The following GHRL variants were observed in gnomAD, a reference collection of about 807,000 sequenced individuals.
The protein encoded by GHRL is ghrelin and obestatin prepropeptide, also known as appetite-regulating hormone.
GHRL carries 24 observed loss-of-function variants against 16.9 expected under a neutral mutation model. The observed-to-expected ratio is 1.42, with a 90% CI of 1.03 to 2.00. The LOEUF (loss-of-function observed/expected upper bound fraction) is 2.00. GHRL is among the 30% of genes most tolerant of loss of function. GHRL has a pLI of 0.00. For missense variants in GHRL, 193 were observed against 142.1 expected (o/e 1.36, Z -1.82); for synonymous variants, 63 against 58.2 (o/e 1.08, Z -0.37).
At position 10,289,627 on chromosome 3, in the gene GHRL, C is replaced by T. The variant is rs573610382; in HGVS notation, c.225+135G>A. On this transcript the variant is annotated intron_variant, in intron 4 of 5. Coordinates refer to ENST00000335542, the MANE Select transcript of GHRL (RefSeq NM_016362.5). ...ACAGAGCCCAGGGCAGAGCTCAACTCCTGTGGTACTGGTTTTATAGTTCTG... is the reference window on the plus strand; with the variant it reads ...ACAGAGCCCAGGGCAGAGCTCAACTTCTGTGGTACTGGTTTTATAGTTCTG... 4.1e-4 allele frequency: 301 copies of T among 737,394 alleles called. 4 individuals carry two copies. The highest frequency in any genetic ancestry group is 3.1e-3 in the South Asian group (210 of 67,590). The allele number at this position is 737,394 out of a possible 1,614,324, so 45.7% of individuals were successfully genotyped here.
At position 10,292,914 on chromosome 3, in the gene GHRL, C is replaced by T. The variant is rs1036041463; in HGVS notation, c.-838G>A. The T allele has an allele frequency of 1.1e-5, 17 of 1,544,884 alleles. No homozygotes were observed. Among genetic ancestry groups the T allele is most frequent in the Admixed American group, 6.0e-5 (3 of 50,164 alleles). ...GATAAGACCACCAGCAAGTAAACAT[C>T]CACTGTGCAAAGCTGTGTTATCTTT... is the stretch of plus-strand genomic sequence containing the variant. On this transcript the variant is annotated 5_prime_UTR_variant, in exon 1 of 6. Coordinates refer to ENST00000335542, the MANE Select transcript of GHRL (RefSeq NM_016362.5).
Position 10,289,017 on chromosome 3 carries a change from G to A in GHRL, c.225+745C>T, listed in dbSNP as rs779395976. ...AGGAGGTGGGGCAGTTAGAGGTGAA[G>A]TTGGTATCCTCGGGCACAGCGTCTA... On this transcript the variant is annotated intron_variant, in intron 4 of 5. Coordinates refer to ENST00000335542, the MANE Select transcript of GHRL (RefSeq NM_016362.5). 4.5e-4 allele frequency among the ~76,000 whole-genome samples: 69 copies of A among 152,344 alleles called. 1 individual carries two copies. The highest frequency in any genetic ancestry group is 3.9e-3 in the Admixed American group (59 of 15,304).
Position 10,290,147 on chromosome 3 carries a change from G to C in GHRL, c.34C>G (p.Leu12Val), listed in dbSNP as rs775447610. ...AAGTCCAGCCAGAGCATGCCGAGGA[G>C]CAGGAGGCTGCAGACGGTCCCTGGG... The part of the protein sequence containing the change: ...PSPGTVCSLL[L>V]LGMLWLDLAM... Residue 12 changes from leucine to valine, a missense_variant, in exon 3 of 6, where the codon CTC (leucine) becomes GTC (valine). Leu to Val is a conservative substitution (Grantham distance 32). Coordinates refer to ENST00000335542, the MANE Select transcript of GHRL (RefSeq NM_016362.5). The C allele has an allele frequency of 1.2e-6, 2 of 1,612,930 alleles. No individual in the cohort carries two copies. The highest frequency in any genetic ancestry group is 3.3e-5 in the Admixed American group (2 of 59,958).
intron 4 of GHRL, 45 bp from the exon 5 acceptor site, chr3:10,286,857 G>GC (rs1699160411): frequency 8.7e-7 from 1 of 1,146,114 alleles, no homozygotes. Context: ...CAGAGGTCAT[G>GC]CCCATCCCCA....
intron 1 of GHRL, 59 bp downstream of exon 1, chr3:10,292,783 A>C: frequency 9.3e-7 from 1 of 1,078,800 alleles, no homozygotes; most frequent in East Asian, 2.6e-5. Flanking sequence ...AAATCCCCAA[A>C]CAGAAAAATC....
At position 10,290,133 on chromosome 3, in the gene GHRL, G is replaced by C; in HGVS notation, c.48C>G (p.Leu16=). ...AGCCTGCCATGGCCAAGTCCAGCCAGAGCATGCCGAGGAGCAGGAGGCTGC... is the reference window on the plus strand; with the variant it reads ...AGCCTGCCATGGCCAAGTCCAGCCACAGCATGCCGAGGAGCAGGAGGCTGC... The part of the protein sequence containing the change: ...TVCSLLLLGM[L]WLDLAMAGSS... The change falls in exon 3 of 6, where the codon CTC becomes CTG. Residue 16 remains leucine (L), a synonymous_variant. Coordinates refer to ENST00000335542, the MANE Select transcript of GHRL (RefSeq NM_016362.5). The C allele has an allele frequency of 6.2e-7, 1 of 1,613,394 alleles. No homozygotes were observed. The highest frequency in any genetic ancestry group is 1.1e-5 in the South Asian group (1 of 90,908).
At position 10,290,975 on chromosome 3, in the gene GHRL, C is replaced by G. The variant is rs1699918169; in HGVS notation, c.-289G>C. 2 of 985,658 alleles carry G rather than the reference C, an allele frequency of 2.0e-6. No individual in the cohort carries two copies. The highest frequency in any genetic ancestry group is 2.4e-6 in the Non-Finnish European group (2 of 830,156). 61.1% of individuals were successfully genotyped at this position (985,658 alleles called of 1,614,324 possible). On this transcript the variant is annotated 5_prime_UTR_variant, in exon 2 of 6. Coordinates refer to ENST00000335542, the MANE Select transcript of GHRL (RefSeq NM_016362.5). ...CCCTGGAACACGGTGGCGGGGTGCCCCAAGTGGGCATGGCCCTGGTGGAGG... is the reference window on the plus strand; with the variant it reads ...CCCTGGAACACGGTGGCGGGGTGCCGCAAGTGGGCATGGCCCTGGTGGAGG...
Position 10,289,795 on chromosome 3 carries a change from T to C in GHRL, c.192A>G (p.Gln64=). ...AGWLRPEDGG[Q]AEGAEDELEV... is the part of the protein sequence containing the mutation. ...CCAGTTCATCCTCTGCCCCTTCTGCTTGACCTCCATCTTCCGGGCGGAGCC... is the reference window on the plus strand; with the variant it reads ...CCAGTTCATCCTCTGCCCCTTCTGCCTGACCTCCATCTTCCGGGCGGAGCC... The change falls in exon 4 of 6, where the codon CAA becomes CAG. Residue 64 remains glutamine (Q), a synonymous_variant. Transcript: ENST00000335542. 6.2e-7 allele frequency: 1 copy of C among 1,613,156 alleles called. No individual in the cohort carries two copies. The highest frequency in any genetic ancestry group is 8.5e-7 in the Non-Finnish European group (1 of 1,179,398).
intron 5 of GHRL, 140 bp from the exon 6 acceptor site, chr3:10,286,034 C>G (rs2125192144): frequency 1.4e-6 from 1 of 736,062 alleles, no homozygotes; most frequent in South Asian, 1.7e-5. Flanking sequence ...GGGCGGCACT[C>G]AAGTGTGGAC....
Position 10,291,357 on chromosome 3 carries a change from G to T in GHRL, c.-671C>A. On this transcript the variant is annotated 5_prime_UTR_variant, in exon 2 of 6. Coordinates refer to ENST00000335542, the MANE Select transcript of GHRL (RefSeq NM_016362.5). Reference sequence around the variant, plus strand: ...CAGGTGTGACATGACTGCCTGGCCTGGCGTTTTTTCACATAGCAGCTTGCC... The same window carrying T: ...CAGGTGTGACATGACTGCCTGGCCTTGCGTTTTTTCACATAGCAGCTTGCC... 3 of 985,544 alleles carry T rather than the reference G, an allele frequency of 3.0e-6. No individual in the cohort carries two copies. The highest frequency in any genetic ancestry group is 3.6e-6 in the Non-Finnish European group (3 of 830,002). The allele number at this position is 985,544 out of a possible 1,614,324, so 61.0% of individuals were successfully genotyped here.
chr3:10,289,236 C>T (rs972741348), intron 4 of GHRL, among the ~76,000 whole-genome samples: 9 of 152,200 alleles, frequency 5.9e-5, no homozygotes, highest in Non-Finnish European at 1.0e-4. Flanking sequence ...TTGCCCCACG[C>T]ACGATTTGTC....
At chr3:10,289,492 G>T (rs1392853433) in intron 4 of GHRL, among the ~76,000 whole-genome samples, 2 of 152,200 alleles carry the variant, frequency 1.3e-5, no homozygotes, top group Non-Finnish European at 2.9e-5. Context: ...CCTTTGAGTC[G>T]CCTGGAGGCT....
intron 2 of GHRL, 110 bp from the exon 3 acceptor site, chr3:10,290,319 TGA>T: frequency 1.9e-6 from 2 of 1,059,952 alleles, no homozygotes; most frequent in Non-Finnish European, 2.7e-6. Flanking sequence ...TCTGGGGTCC[TGA>T]CTGCTGTGTA....
Position 10,289,827 on chromosome 3 carries a change from C to T in GHRL, c.160G>A (p.Ala54Thr), listed in dbSNP as rs748279369. The change falls in exon 4 of 6, where the codon GCA becomes ACA. Residue 54 changes from alanine (A) to threonine (T), a missense_variant. Physicochemically the swap from Ala to Thr is moderately conservative, Grantham distance 58. Transcript: ENST00000335542. ...PPAKLQPRAL[A>T]GWLRPEDGGQ... ...CCATCTTCCGGGCGGAGCCAGCCTG[C>T]TAGAGCTCGGGGCTGCAGCTTGGCT... is the stretch of plus-strand genomic sequence containing the variant. 1.2e-6 allele frequency: 2 copies of T among 1,613,884 alleles called. No homozygotes were observed. Among genetic ancestry groups the T allele is most frequent in the Admixed American group, 1.7e-5 (1 of 60,006 alleles).
In GHRL at chr3:10,290,228, C is replaced by G. The variant is rs111516350; in HGVS notation, c.-29-19G>C. On this transcript the variant is annotated intron_variant, in intron 2 of 5. Transcript: ENST00000335542. ...GGTGGGCCTGGGGGAGAGAGGGTCT[C>G]CAGGCAGCTGCCTCCCCTTCTCATG... is the stretch of plus-strand genomic sequence containing the variant. The G allele has an allele frequency of 1.1e-3, 1,662 of 1,576,346 alleles. 14 individuals carry two copies. The African/African-American group carries it at 0.019, about 18-fold the overall frequency.
chr3:10,292,226 A>G (rs1049800068), intron 1 of GHRL: 1 of 152,330 alleles, frequency 6.6e-6, no homozygotes, highest in Admixed American at 6.5e-5. Flanking sequence ...TACAGCCATC[A>G]GGGGCAATGC....
At chr3:10,288,909 C>T (rs1038633654) in intron 4 of GHRL, among the ~76,000 whole-genome samples, 1 of 152,188 alleles carries the variant, frequency 6.6e-6, no homozygotes, top group African/African-American at 2.4e-5. Context: ...GTACCTTGGG[C>T]AAGTGAGTTC....
intron 4 of GHRL, among the ~76,000 whole-genome samples, chr3:10,289,142 A>G (rs145153475): frequency 1.1e-4 from 16 of 152,364 alleles, no homozygotes; most frequent in Non-Finnish European, 1.8e-4. Context: ...CCTGAACCAC[A>G]GCCACAGGAA....
chr3:10,288,693 C>G (rs42451), intron 4 of GHRL, among the ~76,000 whole-genome samples: 1 of 152,082 alleles, frequency 6.6e-6, no homozygotes, highest in African/African-American at 2.4e-5. Flanking sequence ...GGGGAGCTTC[C>G]GACGGCTTTA....
Sources: gnomAD v4.1 joint callset for allele counts (sites outside exome capture counted in the v4.1 genomes callset) on GRCh38, gnomAD v4.1.1 for gene constraint, MANE v1.5 for transcripts, NCBI Gene and HGNC (gene_info 2026-07-23, HGNC 2026-07-21) for gene names.